MRAP2: variants seen among roughly 807,000 people sequenced by gnomAD.
MRAP2 encodes the protein melanocortin-2 receptor accessory protein 2.
A neutral mutation model predicts 17.4 loss-of-function variants in MRAP2; 20 were observed. The ratio of observed to expected loss-of-function variants is 1.15; its 90% CI spans 0.81 to 1.67. MRAP2 has a LOEUF of 1.67. MRAP2 is among the 40% of genes most tolerant of loss of function. The probability of loss-of-function intolerance (pLI) is 0.00; values close to 1 mark genes in which losing one functional copy is unlikely to be tolerated. For missense variants in MRAP2, 238 were observed against 240.0 expected, an observed-to-expected ratio of 0.99 and a Z score of 0.05; for synonymous variants, 96 against 88.4, an observed-to-expected ratio of 1.09 and a Z score of -0.48.
chr6:84,102,814 A>G, the MRAP2 span, among the ~76,000 whole-genome samples: 1 of 152,106 alleles, frequency 6.6e-6, no homozygotes, highest in Admixed American at 6.6e-5. Flanking sequence ...TTAAAAAAAA[A>G]AATAATGTGA....
At chr6:84,036,976 T>C (rs762744264) in intron 1 of MRAP2, among the ~76,000 whole-genome samples, 8 of 152,044 alleles carry the variant, frequency 5.3e-5, no homozygotes, top group Non-Finnish European at 1.2e-4. Context: ...AGGGTGCTGA[T>C]TGGTGCATTT....
intron 3 of MRAP2, among the ~76,000 whole-genome samples, chr6:84,071,671 G>A (rs2099496222): frequency 6.6e-6 from 1 of 152,144 alleles, no homozygotes; most frequent in Non-Finnish European, 1.5e-5. Flanking sequence ...TTCCCCAAAT[G>A]TGTTTTCCAA....
intron 1 of MRAP2, among the ~76,000 whole-genome samples, chr6:84,054,744 C>T (rs1286722673): frequency 6.6e-6 from 1 of 152,158 alleles, no homozygotes; most frequent in African/African-American, 2.4e-5. Flanking sequence ...TCCTCTACCT[C>T]CCAAATCCCA....
At chr6:84,118,180 G>A in the MRAP2 span, among the ~76,000 whole-genome samples, 1 of 152,162 alleles carries the variant, frequency 6.6e-6, no homozygotes, top group Non-Finnish European at 1.5e-5. Flanking sequence ...GAACATGGGT[G>A]GGGGTGGCTG....
the MRAP2 span, among the ~76,000 whole-genome samples, chr6:84,117,512 T>A: frequency 1.3e-5 from 2 of 151,770 alleles, no homozygotes; most frequent in Non-Finnish European, 2.9e-5. Context: ...TTTTGGTTGG[T>A]AAGCTATTTA....
intron 3 of MRAP2, among the ~76,000 whole-genome samples, chr6:84,072,423 G>A (rs1323167199): frequency 6.6e-6 from 1 of 152,198 alleles, no homozygotes; most frequent in Non-Finnish European, 1.5e-5. Context: ...CCTGTGACGA[G>A]AATCGTTTAT....
intron 3 of MRAP2, among the ~76,000 whole-genome samples, chr6:84,083,694 G>A (rs2099499571): frequency 6.6e-6 from 1 of 152,016 alleles, no homozygotes; most frequent in Non-Finnish European, 1.5e-5. Context: ...TAAGTAATGT[G>A]AACTAAAAAC....
intron 2 of MRAP2, chr6:84,062,212 A>G (rs2099493338): frequency 3.3e-6 from 2 of 610,344 alleles, no homozygotes; most frequent in Non-Finnish European, 4.1e-6. Context: ...AAGCAAACTG[A>G]AAACCTAGCC....
chr6:84,116,999 T>A, the MRAP2 span, among the ~76,000 whole-genome samples: 4 of 151,600 alleles, frequency 2.6e-5, no homozygotes, highest in Non-Finnish European at 2.9e-5. Flanking sequence ...CTTCCCTTTT[T>A]TCTTTCTCTT....
chr6:84,131,316 A>G, the MRAP2 span, among the ~76,000 whole-genome samples: 50 of 150,792 alleles, frequency 3.3e-4, 2 homozygotes, highest in Non-Finnish European at 7.4e-5. Flanking sequence ...TGCTGAGAAG[A>G]ATTCTGTTGA....
rs146817873 is a variant in MRAP2, at chr6:84,057,609, CTATT to C, written c.127+2173_127+2176del. Reference sequence around the variant, plus strand: ...GATTTGGCACCAACAAAGTGGAAACCTATTTATTTATTCATTCATTCAATATATA... The same window carrying C: ...GATTTGGCACCAACAAAGTGGAAACCTATTTATTCATTCATTCAATATATA... On this transcript the variant is annotated intron_variant, in intron 2 of 3. Transcript: ENST00000257776. Among the ~76,000 whole-genome samples the C allele has an allele frequency of 8.5e-3, 1,289 of 152,234 alleles. 13 individuals carry two copies. The highest frequency in any genetic ancestry group is 0.029 in the African/African-American group (1,188 of 41,522).
chr6:84,134,917 T>TACAC, the MRAP2 span, among the ~76,000 whole-genome samples: 46 of 73,570 alleles, frequency 6.3e-4, no homozygotes, highest in African/African-American at 1.9e-3. Flanking sequence ...AAAGATCATA[T>TACAC]ATACACACAC....
chr6:84,099,442 C>A, the MRAP2 span, among the ~76,000 whole-genome samples: 2 of 151,872 alleles, frequency 1.3e-5, no homozygotes, highest in Non-Finnish European at 2.9e-5. Flanking sequence ...GGATATTTGC[C>A]CCCTCCAAAT....
At chr6:84,126,700 T>G in the MRAP2 span, among the ~76,000 whole-genome samples, 1 of 152,180 alleles carries the variant, frequency 6.6e-6, no homozygotes, top group African/African-American at 2.4e-5. Flanking sequence ...TGAGTTGACC[T>G]CACATTCTAA....
chr6:84,128,139 T>C, the MRAP2 span, among the ~76,000 whole-genome samples: 1 of 152,190 alleles, frequency 6.6e-6, no homozygotes, highest in Non-Finnish European at 1.5e-5. Flanking sequence ...GTTTAACAAT[T>C]ATTCATGAAT....
the MRAP2 span, among the ~76,000 whole-genome samples, chr6:84,113,199 G>A: frequency 1.1e-4 from 17 of 151,996 alleles, no homozygotes; most frequent in African/African-American, 4.1e-4. Context: ...GTAGGGTAAA[G>A]TCTCCCATTA....
intron 3 of MRAP2, among the ~76,000 whole-genome samples, chr6:84,077,235 C>G (rs561829961): frequency 7.2e-5 from 11 of 152,262 alleles, no homozygotes; most frequent in South Asian, 2.1e-4. Flanking sequence ...AGATTTCTTC[C>G]CATTGGGAGA....
intron 1 of MRAP2, among the ~76,000 whole-genome samples, chr6:84,039,462 CTG>C (rs756302370): frequency 6.6e-6 from 1 of 152,142 alleles, no homozygotes; most frequent in Non-Finnish European, 1.5e-5. Context: ...GAGGTGGAAA[CTG>C]TGCATTTTCC....
At chr6:84,115,042 T>A in the MRAP2 span, among the ~76,000 whole-genome samples, 3 of 152,142 alleles carry the variant, frequency 2.0e-5, no homozygotes, top group Non-Finnish European at 4.4e-5. Context: ...CCAGTCAGGA[T>A]AAACGGGGGT....
Sources: allele counts gnomAD v4.1 joint callset (sites outside exome capture counted in the v4.1 genomes callset), GRCh38; gene constraint gnomAD v4.1.1; transcripts MANE v1.5; gene names NCBI Gene and HGNC (gene_info 2026-07-23, HGNC 2026-07-21).